The following SAYSD1 variants were observed in gnomAD, a reference collection of about 807,000 sequenced individuals.
The protein encoded by SAYSD1 is SAYSvFN domain-containing protein 1.
In SAYSD1, 15 loss-of-function variants were observed where a neutral mutation model predicts 14.5. The observed-to-expected ratio is 1.03, with a 90% CI of 0.69 to 1.59. The LOEUF (loss-of-function observed/expected upper bound fraction) is 1.59. Ranked by LOEUF, SAYSD1 falls within the 40% of genes most tolerant of loss-of-function variation. The pLI is 0.00. For synonymous variants in SAYSD1, 105 were observed against 102.6 expected (o/e 1.02, Z -0.14); for missense variants, 247 against 227.3 (o/e 1.09, Z -0.56).
At position 39,105,645 on chromosome 6, in the gene SAYSD1, C is replaced by G; in HGVS notation, c.339G>C (p.Leu113=). The G allele has an allele frequency of 6.2e-7, 1 of 1,614,196 alleles. No individual in the cohort carries two copies. The highest frequency in any genetic ancestry group is 8.5e-7 in the Non-Finnish European group (1 of 1,180,032). ...FLKVLLWLVL[L]GLFVELEFGL... ...CAAATTCCAGTTCCACAAACAGTCC[C>G]AGCAGGACCAACCAGAGAAGAACCT... The change falls in exon 2 of 2, where the codon CTG becomes CTC. Residue 113 remains leucine, a synonymous_variant. Transcript: ENST00000229903.
rs1769456047 is a variant in SAYSD1 at position 39,104,531 on chromosome 6, G to A, written c.*901C>T. ...GGGATCTAGGTTGCGTGCTCCTTAT[G>A]AGACTCTAATGCCTGATGATCTGAG... On this transcript the variant is annotated 3_prime_UTR_variant, in exon 2 of 2. Transcript: ENST00000229903. 1 of 152,054 alleles carries A rather than the reference G, an allele frequency of 6.6e-6. No homozygotes were observed. Among genetic ancestry groups the A allele is most frequent in the Admixed American group, 6.5e-5 (1 of 15,272 alleles). 9.4% of individuals were successfully genotyped at this position (152,054 alleles called of 1,614,324 possible).
At chr6:39,108,507 C>T (rs540740981) in intron 1 of SAYSD1, among the ~76,000 whole-genome samples, 60 of 152,162 alleles carry the variant, frequency 3.9e-4, no homozygotes, top group African/African-American at 1.3e-3. Flanking sequence ...TGGAACTTGT[C>T]GGAGTACCAG....
At chr6:39,110,336 T>C in intron 1 of SAYSD1, 1 of 205,548 alleles carries the variant, frequency 4.9e-6, no homozygotes, top group South Asian at 1.0e-4. Flanking sequence ...CACGACTGCT[T>C]TACATTTGGC....
chr6:39,109,401 G>A (rs1378713690), intron 1 of SAYSD1: 2 of 1,549,570 alleles, frequency 1.3e-6, no homozygotes, highest in African/African-American at 2.7e-5. Context: ...GTAGTGGGAA[G>A]GAGGATGTAG....
At chr6:39,109,793 T>G (rs1295130051) in intron 1 of SAYSD1, 1 of 177,108 alleles carries the variant, frequency 5.6e-6, no homozygotes, top group African/African-American at 2.4e-5. Context: ...TGAAGCATAT[T>G]CCATAGTGTA....
chr6:39,109,169 G>T (rs948794661), intron 1 of SAYSD1: 3 of 800,490 alleles, frequency 3.7e-6, no homozygotes, highest in Admixed American at 2.2e-5. Flanking sequence ...TGAGCAGAAG[G>T]CCAGCCTGAG....
intron 1 of SAYSD1, 140 bp downstream of exon 1, chr6:39,114,743 G>A: frequency 5.2e-6 from 4 of 776,142 alleles, no homozygotes; most frequent in Non-Finnish European, 8.3e-6. Flanking sequence ...GGCCGGAGAT[G>A]AGCGGTCCGG....
chr6:39,112,096 T>C (rs191057853), intron 1 of SAYSD1: 3 of 152,230 alleles, frequency 2.0e-5, no homozygotes, highest in Admixed American at 2.0e-4. Context: ...AAAGATCTGA[T>C]GCATGAAAAT....
Position 39,105,678 on chromosome 6 carries a change from G to A in SAYSD1, c.306C>T (p.Thr102=), listed in dbSNP as rs1311190027. The change falls in exon 2 of 2, where the codon ACC becomes ACT. Residue 102 remains threonine (T), a synonymous_variant. Transcript: ENST00000229903. ...CWDQSFLTNI[T]FLKVLLWLVL... The stretch of plus-strand genomic sequence containing the variant: ...CCAACCAGAGAAGAACCTTCAAGAA[G>A]GTGATATTGGTCAGGAAAGACTGGT... 2 of 1,614,224 alleles carry A rather than the reference G, an allele frequency of 1.2e-6. No individual in the cohort carries two copies. Among genetic ancestry groups the A allele is most frequent in the Admixed American group, 3.3e-5 (2 of 60,026 alleles).
Position 39,104,567 on chromosome 6 carries a change from C to T in SAYSD1, c.*865G>A, listed in dbSNP as rs1769456744. 1 of 152,104 alleles carries T rather than the reference C, an allele frequency of 6.6e-6. No homozygotes were observed. Among genetic ancestry groups the T allele is most frequent in the Admixed American group, 6.5e-5 (1 of 15,278 alleles). The allele number at this position is 152,104 out of a possible 1,614,324, so 9.4% of individuals were successfully genotyped here. ...GCCTGATGATCTGAGGTGGAAGTTT[C>T]ATCCTCCACCACCACCCCGTCCATG... On this transcript the variant is annotated 3_prime_UTR_variant, in exon 2 of 2. Coordinates refer to ENST00000229903, the MANE Select transcript of SAYSD1 (RefSeq NM_018322.3).
chr6:39,114,918 G>A lies in SAYSD1; in HGVS notation c.172C>T (p.Pro58Ser), dbSNP rs1352195387. The A allele has an allele frequency of 1.2e-6, 2 of 1,612,960 alleles. No homozygotes were observed. Among genetic ancestry groups the A allele is most frequent in the Non-Finnish European group, 1.7e-6 (2 of 1,179,906 alleles). The stretch of plus-strand genomic sequence containing the variant: ...CCGGGCTGGGCCCGGGCACTCGCGG[G>A]CCTAGGTTTCCATACCAGGAACCGC... ...LKRFLVWKPR[P>S]ASARAQPGLV... Residue 58 changes from proline to serine, a missense_variant, in exon 1 of 2, where the codon CCC becomes TCC. Coordinates refer to ENST00000229903, the MANE Select transcript of SAYSD1 (RefSeq NM_018322.3).
intron 1 of SAYSD1, chr6:39,112,476 C>A (rs1161477062): frequency 6.5e-6 from 1 of 153,582 alleles, no homozygotes; most frequent in African/African-American, 2.4e-5. Flanking sequence ...CAAGACGTTT[C>A]TTTACAAGAA....
chr6:39,106,406 A>T (rs1299065089), intron 1 of SAYSD1, among the ~76,000 whole-genome samples: 4 of 152,132 alleles, frequency 2.6e-5, no homozygotes, highest in African/African-American at 9.7e-5. Context: ...ACACGACTGT[A>T]ATCCCAGCTA....
In SAYSD1 at chr6:39,114,839, G is replaced by T. The variant is rs752991404; in HGVS notation, c.207+44C>A. 1.9e-6 allele frequency: 3 copies of T among 1,581,830 alleles called. No homozygotes were observed. The Admixed American group carries it at 5.0e-5, about 27-fold the overall frequency. ...CAGCTAGGGCCGCGCCCTCGACTGTGGCTCCGAGGCCAGGTCCTAGGGCCG... is the reference window on the plus strand; with the variant it reads ...CAGCTAGGGCCGCGCCCTCGACTGTTGCTCCGAGGCCAGGTCCTAGGGCCG... On this transcript the variant is annotated intron_variant, in intron 1 of 1. Coordinates refer to ENST00000229903, the MANE Select transcript of SAYSD1 (RefSeq NM_018322.3).
At chr6:39,106,556 A>G (rs1030108075) in intron 1 of SAYSD1, among the ~76,000 whole-genome samples, 2 of 152,068 alleles carry the variant, frequency 1.3e-5, no homozygotes, top group Non-Finnish European at 2.9e-5. Context: ...TGTTACAGCC[A>G]TTACTGGGCC....
At position 39,105,287 on chromosome 6, in the gene SAYSD1, G is replaced by A. The variant is rs927997131; in HGVS notation, c.*145C>T. 2 of 660,290 alleles carry A rather than the reference G, an allele frequency of 3.0e-6. No individual in the cohort carries two copies. Among genetic ancestry groups the A allele is most frequent in the East Asian group, 5.3e-5 (2 of 37,578 alleles). The allele number at this position is 660,290 out of a possible 1,614,324, so 40.9% of individuals were successfully genotyped here. ...TATCAAAGATCAAATGGCAGCAAAA[G>A]ATCAGGGAAAGAAGGTAGAAAAACT... is the stretch of plus-strand genomic sequence containing the variant. On this transcript the variant is annotated 3_prime_UTR_variant, in exon 2 of 2. Coordinates refer to ENST00000229903, the MANE Select transcript of SAYSD1 (RefSeq NM_018322.3).
In SAYSD1 at chr6:39,105,225, C is replaced by T; in HGVS notation, c.*207G>A. On this transcript the variant is annotated 3_prime_UTR_variant, in exon 2 of 2. Transcript: ENST00000229903. ...CATAATTTTTATAAATTGCGTCGGA[C>T]CCACAGTGAATGTATTTTAGAGAGT... is the stretch of plus-strand genomic sequence containing the variant. 1.8e-6 allele frequency: 1 copy of T among 561,374 alleles called. No individual in the cohort carries two copies. The highest frequency in any genetic ancestry group is 3.2e-6 in the Non-Finnish European group (1 of 316,640). 34.8% of individuals were successfully genotyped at this position (561,374 alleles called of 1,614,324 possible).
chr6:39,105,540 C>T lies in SAYSD1; in HGVS notation c.444G>A (p.Glu148=). Residue 148 remains glutamate, a synonymous_variant, in exon 2 of 2, where the codon GAG becomes GAA. Transcript: ENST00000229903. ...GATTGAACACAGAGTAGGCGCTCTT[C>T]TCTCCCTCTTTCTTCTCTTCAGGGC... ...TRGPEEKKEG[E]KSAYSVFNPG... is the part of the protein sequence containing the mutation. 6.2e-7 allele frequency: 1 copy of T among 1,614,240 alleles called. No individual in the cohort carries two copies. Among genetic ancestry groups the T allele is most frequent in the Admixed American group, 1.7e-5 (1 of 60,030 alleles).
intron 1 of SAYSD1, among the ~76,000 whole-genome samples, 156 bp downstream of exon 1, chr6:39,114,727 A>C (rs1769701485): frequency 1.3e-5 from 2 of 152,230 alleles, no homozygotes; most frequent in Non-Finnish European, 2.9e-5. Context: ...CAGTGCTGAC[A>C]CGTGTGGCCG....
Sources: allele counts gnomAD v4.1 joint callset (sites outside exome capture counted in the v4.1 genomes callset), GRCh38; gene constraint gnomAD v4.1.1; transcripts MANE v1.5; gene names NCBI Gene and HGNC (gene_info 2026-07-23, HGNC 2026-07-21).